Variants in GALNTL6 observed in about 807,000 individuals in gnomAD.
The protein encoded by GALNTL6 is polypeptide N-acetylgalactosaminyltransferase like 6, also known as polypeptide N-acetylgalactosaminyltransferase-like 6.
GALNTL6 carries 46 observed loss-of-function variants against 73.7 expected under a neutral mutation model. That is an observed-to-expected ratio of 0.62 (90% CI 0.49 to 0.80). The LOEUF (loss-of-function observed/expected upper bound fraction) is 0.80, where lower values mean the gene tolerates loss of function less well. Among genes scored for constraint, GALNTL6 ranks in the 30% least tolerant of loss-of-function variants. GALNTL6 has a pLI of 0.00. For synonymous variants in GALNTL6, 259 were observed against 263.7 expected, an observed-to-expected ratio of 0.98 and a Z score of 0.17; for missense variants, 604 against 755.0, an observed-to-expected ratio of 0.80 and a Z score of 2.34.
chr4:172,904,945 A>G (rs1269948691), intron 8 of GALNTL6, among the ~76,000 whole-genome samples: 1 of 152,174 alleles, frequency 6.6e-6, no homozygotes, highest in Non-Finnish European at 1.5e-5. Flanking sequence ...GGATTGAAAT[A>G]TGTCTGAGAT....
intron 7 of GALNTL6, among the ~76,000 whole-genome samples, chr4:172,823,674 G>A (rs1742065707): frequency 6.6e-6 from 1 of 152,100 alleles, no homozygotes; most frequent in Non-Finnish European, 1.5e-5. Context: ...GGGAGTGGTA[G>A]AAAGTAAAGA....
At chr4:172,975,984 C>T (rs979814682) in intron 10 of GALNTL6, among the ~76,000 whole-genome samples, 1 of 152,080 alleles carries the variant, frequency 6.6e-6, no homozygotes, top group Non-Finnish European at 1.5e-5. Context: ...GCTGCAGCTG[C>T]GCCAGGGAGG....
chr4:172,265,644 A>C (rs984120359), intron 3 of GALNTL6, among the ~76,000 whole-genome samples: 1 of 152,120 alleles, frequency 6.6e-6, no homozygotes, highest in African/African-American at 2.4e-5. Context: ...AATCTGTAGA[A>C]GCTCTTCCAA....
chr4:171,966,313 C>G (rs1432553005), intron 2 of GALNTL6, among the ~76,000 whole-genome samples: 4 of 152,070 alleles, frequency 2.6e-5, no homozygotes, highest in Non-Finnish European at 5.9e-5. Flanking sequence ...GTGTGATATT[C>G]TAGTGTGCCA....
chr4:172,860,635 C>A (rs1744347427), intron 7 of GALNTL6, among the ~76,000 whole-genome samples: 1 of 152,056 alleles, frequency 6.6e-6, no homozygotes. Flanking sequence ...ATAAAGATTG[C>A]ATAGAAAATA....
Position 172,608,362 on chromosome 4 carries a change from C to A in GALNTL6, c.554-200999C>A, listed in dbSNP as rs1013944991. 5.9e-5 allele frequency among the ~76,000 whole-genome samples: 9 copies of A among 152,224 alleles called. No homozygotes were observed. The East Asian group carries it at 1.7e-3, about 29-fold the overall frequency. Reference sequence around the variant, plus strand: ...CTTGGGCCTATGGCTAGCCAGTTATCCCCGTATCATTTATTGAATAGAGAA... The same window carrying A: ...CTTGGGCCTATGGCTAGCCAGTTATACCCGTATCATTTATTGAATAGAGAA... On this transcript the variant is annotated intron_variant, in intron 5 of 12. Coordinates refer to ENST00000506823, the MANE Select transcript of GALNTL6 (RefSeq NM_001034845.3).
intron 5 of GALNTL6, among the ~76,000 whole-genome samples, chr4:172,415,140 A>G (rs1261385085): frequency 6.6e-6 from 1 of 152,228 alleles, no homozygotes; most frequent in East Asian, 1.9e-4. Flanking sequence ...AATTACAGAA[A>G]GCATTTTGAC....
At chr4:172,368,398 C>CAA (rs373356861) in intron 5 of GALNTL6, among the ~76,000 whole-genome samples, 2 of 150,320 alleles carry the variant, frequency 1.3e-5, no homozygotes, top group East Asian at 3.9e-4. Flanking sequence ...ATAACAACAA[C>CAA]AAAAAAAAAC....
In GALNTL6 at chr4:171,927,297, T is replaced by C. The variant is rs540547568; in HGVS notation, c.138+112579T>C. On this transcript the variant is annotated intron_variant, in intron 2 of 12. Transcript: ENST00000506823. ...ATTGTTGGTGCTTTACTTTTCTTTTTTTGTTTTTTAGAAGAAGAGTCAGCT... is the reference window on the plus strand; with the variant it reads ...ATTGTTGGTGCTTTACTTTTCTTTTCTTGTTTTTTAGAAGAAGAGTCAGCT... Among the ~76,000 whole-genome samples the C allele has an allele frequency of 4.8e-4, 73 of 152,282 alleles. 1 individual carries two copies. In the Middle Eastern group the frequency reaches 0.014, roughly 28 times the overall value.
At chr4:172,654,525 A>T (rs748557141) in intron 5 of GALNTL6, among the ~76,000 whole-genome samples, 15 of 152,216 alleles carry the variant, frequency 9.9e-5, no homozygotes, top group Admixed American at 3.3e-4. Context: ...TGTTCTACAA[A>T]TATTGAATTA....
chr4:172,202,426 GT>G (rs1480977003), intron 2 of GALNTL6, among the ~76,000 whole-genome samples: 2 of 152,080 alleles, frequency 1.3e-5, no homozygotes, highest in Non-Finnish European at 2.9e-5. Context: ...TATTCCTTAA[GT>G]TTTTGGATAG....
At chr4:172,582,532 C>T (rs188358190) in intron 5 of GALNTL6, among the ~76,000 whole-genome samples, 14 of 152,220 alleles carry the variant, frequency 9.2e-5, no homozygotes, top group Admixed American at 6.5e-4. Context: ...GATATTAAAG[C>T]TGACTGTAAT....
chr4:172,487,522 G>A (rs1309416540), intron 5 of GALNTL6, among the ~76,000 whole-genome samples: 2 of 151,836 alleles, frequency 1.3e-5, no homozygotes, highest in Non-Finnish European at 2.9e-5. Flanking sequence ...GAGTAGCTGG[G>A]ACTACAGGTG....
chr4:172,898,324 AC>A (rs869056509), intron 8 of GALNTL6, among the ~76,000 whole-genome samples: 1 of 139,348 alleles, frequency 7.2e-6, no homozygotes, highest in Non-Finnish European at 1.6e-5. Context: ...ACACACACAC[AC>A]GTATAAGATA....
intron 7 of GALNTL6, among the ~76,000 whole-genome samples, chr4:172,841,242 A>G (rs997544350): frequency 3.3e-5 from 5 of 152,222 alleles, no homozygotes; most frequent in Non-Finnish European, 7.3e-5. Flanking sequence ...AATGATAATA[A>G]TAATAGAATG....
intron 2 of GALNTL6, among the ~76,000 whole-genome samples, chr4:171,996,043 C>T (rs142409138): frequency 2.0e-4 from 30 of 152,120 alleles, no homozygotes; most frequent in African/African-American, 5.8e-4. Flanking sequence ...TGGCCTCTTA[C>T]GAGCCCATTC....
At chr4:172,091,673 A>T (rs1234601661) in intron 2 of GALNTL6, among the ~76,000 whole-genome samples, 1 of 152,210 alleles carries the variant, frequency 6.6e-6, no homozygotes, top group African/African-American at 2.4e-5. Flanking sequence ...AGAGACTCTT[A>T]TTAAACTTGT....
chr4:172,253,427 G>T (rs1432083395), intron 3 of GALNTL6, among the ~76,000 whole-genome samples: 1 of 151,928 alleles, frequency 6.6e-6, no homozygotes, highest in East Asian at 1.9e-4. Context: ...AAAGCCAGGG[G>T]AATCTCATAG....
Position 172,436,553 on chromosome 4 carries a change from A to T in GALNTL6, c.553+87864A>T, listed in dbSNP as rs1328083256. 2.0e-5 allele frequency among the ~76,000 whole-genome samples: 3 copies of T among 152,158 alleles called. No individual in the cohort carries two copies. The East Asian group carries it at 5.8e-4, about 29-fold the overall frequency. On this transcript the variant is annotated intron_variant, in intron 5 of 12. Coordinates refer to ENST00000506823, the MANE Select transcript of GALNTL6 (RefSeq NM_001034845.3). ...TTTTCACTTAAACAAGTAGATCTGAAGATTAATTGGAGAAAATTGTTGAAA... is the reference window on the plus strand; with the variant it reads ...TTTTCACTTAAACAAGTAGATCTGATGATTAATTGGAGAAAATTGTTGAAA...
Sources: allele counts gnomAD v4.1 joint callset (sites outside exome capture counted in the v4.1 genomes callset), GRCh38; gene constraint gnomAD v4.1.1; transcripts MANE v1.5; gene names NCBI Gene and HGNC (gene_info 2026-07-23, HGNC 2026-07-21).